Variants in CSMD1 observed in about 807,000 individuals in gnomAD.
CSMD1 encodes CUB and Sushi multiple domains 1.
In CSMD1, 213 loss-of-function variants were observed where a neutral mutation model predicts 417.5. The ratio of observed to expected loss-of-function variants is 0.51; its 90% CI spans 0.46 to 0.57. The LOEUF (loss-of-function observed/expected upper bound fraction) is 0.57. CSMD1 is among the 20% of genes least tolerant of loss of function. CSMD1 has a pLI of 0.00. For synonymous variants in CSMD1, 2,862 were observed against 1,736.8 expected (o/e 1.65, Z -16.11); for missense variants, 6,923 against 4,529.7 (o/e 1.53, Z -15.17).
At chr8:3,350,884 G>C (rs557151464) in intron 21 of CSMD1, among the ~76,000 whole-genome samples, 42 of 152,236 alleles carry the variant, frequency 2.8e-4, no homozygotes, top group African/African-American at 9.6e-4. Context: ...ATAAATGGTA[G>C]TAACTAAGTT....
At chr8:3,961,910 C>A (rs1311402346) in intron 5 of CSMD1, among the ~76,000 whole-genome samples, 1 of 152,144 alleles carries the variant, frequency 6.6e-6, no homozygotes, top group African/African-American at 2.4e-5. Flanking sequence ...AGTCATTGCT[C>A]AAAAACGAAT....
At chr8:4,753,233 T>G (rs892317761) in intron 1 of CSMD1, among the ~76,000 whole-genome samples, 2 of 151,928 alleles carry the variant, frequency 1.3e-5, no homozygotes, top group Non-Finnish European at 2.9e-5. Flanking sequence ...TGCTTTTTTC[T>G]GCTGTTCTGG....
chr8:3,411,107 A>C (rs1812672062), intron 12 of CSMD1, among the ~76,000 whole-genome samples: 1 of 152,166 alleles, frequency 6.6e-6, no homozygotes, highest in African/African-American at 2.4e-5. Flanking sequence ...TGCAGGAAGA[A>C]GGCACTGCAG....
chr8:4,574,832 A>C (rs1285215486), intron 2 of CSMD1, among the ~76,000 whole-genome samples: 1 of 152,200 alleles, frequency 6.6e-6, no homozygotes, highest in African/African-American at 2.4e-5. Flanking sequence ...AACAACAAAA[A>C]TCTTTCATGA....
chr8:3,846,292 T>C (rs1213938284), intron 5 of CSMD1, among the ~76,000 whole-genome samples: 2 of 152,182 alleles, frequency 1.3e-5, no homozygotes, highest in African/African-American at 2.4e-5. Context: ...CAATAGGTGA[T>C]AGGAATATTC....
At chr8:3,221,768 C>A (rs1002507151) in intron 28 of CSMD1, among the ~76,000 whole-genome samples, 1 of 152,108 alleles carries the variant, frequency 6.6e-6, no homozygotes, top group Admixed American at 6.5e-5. Context: ...AATGTGTGAG[C>A]CCCACAATCC....
chr8:3,299,879 T>A (rs975595470), intron 25 of CSMD1, among the ~76,000 whole-genome samples: 1 of 152,190 alleles, frequency 6.6e-6, no homozygotes, highest in Non-Finnish European at 1.5e-5. Context: ...GACGCCCAAT[T>A]TCTATGTACT....
At chr8:4,474,293 A>T (rs9657397) in intron 2 of CSMD1, among the ~76,000 whole-genome samples, 65,503 of 152,026 alleles carry the variant, frequency 0.43, 16,306 homozygotes, top group Non-Finnish European at 0.55. Flanking sequence ...AAGGTGACAG[A>T]TTAACGTTCC....
chr8:4,891,190 G>A (rs1451411958), intron 1 of CSMD1, among the ~76,000 whole-genome samples: 1 of 152,126 alleles, frequency 6.6e-6, no homozygotes, highest in Non-Finnish European at 1.5e-5. Flanking sequence ...ATCTGGAAGT[G>A]AAACATGTGA....
At chr8:4,701,280 C>G (rs1807522701) in intron 1 of CSMD1, among the ~76,000 whole-genome samples, 4 of 151,170 alleles carry the variant, frequency 2.6e-5, no homozygotes, top group Non-Finnish European at 4.4e-5. Flanking sequence ...GATAAGTCAA[C>G]TTCGAAGGCT....
At chr8:4,567,131 C>T (rs560288586) in intron 2 of CSMD1, among the ~76,000 whole-genome samples, 2 of 152,286 alleles carry the variant, frequency 1.3e-5, no homozygotes, top group South Asian at 4.1e-4. Context: ...CACAGCATCA[C>T]AGCCCTACTC....
intron 2 of CSMD1, among the ~76,000 whole-genome samples, chr8:4,555,896 G>A (rs1174302302): frequency 6.6e-6 from 1 of 152,032 alleles, no homozygotes; most frequent in Non-Finnish European, 1.5e-5. Context: ...AAAGTCAAGT[G>A]TATCTTTACT....
chr8:4,151,776 CT>C (rs1796583587), intron 3 of CSMD1, among the ~76,000 whole-genome samples: 1 of 152,188 alleles, frequency 6.6e-6, no homozygotes, highest in South Asian at 2.1e-4. Flanking sequence ...CACATTTCTT[CT>C]GCAAATGCTT....
At chr8:4,302,896 A>T (rs931278148) in intron 3 of CSMD1, among the ~76,000 whole-genome samples, 4 of 152,074 alleles carry the variant, frequency 2.6e-5, no homozygotes, top group Non-Finnish European at 4.4e-5. Flanking sequence ...ATGCTGATTC[A>T]TATTAACTCA....
intron 1 of CSMD1, among the ~76,000 whole-genome samples, chr8:4,757,241 G>A (rs867335328): frequency 4.6e-5 from 7 of 152,144 alleles, no homozygotes; most frequent in African/African-American, 1.7e-4. Context: ...AAAACAACTT[G>A]CAATTGACTA....
At chr8:3,492,745 G>A (rs367666160) in intron 11 of CSMD1, among the ~76,000 whole-genome samples, 200 of 152,274 alleles carry the variant, frequency 1.3e-3, no homozygotes, top group African/African-American at 4.6e-3. Flanking sequence ...GGATCAGTCT[G>A]CAAATATTCA....
chr8:4,317,982 T>G (rs555308439), intron 3 of CSMD1, among the ~76,000 whole-genome samples: 1 of 152,174 alleles, frequency 6.6e-6, no homozygotes, highest in African/African-American at 2.4e-5. Flanking sequence ...ATAATAGTTA[T>G]TGAATAAATA....
rs546840666 is a variant in CSMD1 at position 4,783,449 on chromosome 8, C to CT, written c.86-145892dup. Among the ~76,000 whole-genome samples the CT allele has an allele frequency of 4.2e-4, 64 of 152,290 alleles. No homozygotes were observed. In the Middle Eastern group the frequency reaches 0.01, roughly 24 times the overall value. ...TCAGTGCTTTGGCTTTGGTAATCTG[C>CT]TGCCCTGGTCAGAACAATGTATCCA... is the stretch of plus-strand genomic sequence containing the variant. On this transcript the variant is annotated intron_variant, in intron 1 of 69. Transcript: ENST00000635120.
chr8:4,111,892 T>A (rs1158915569), intron 3 of CSMD1, among the ~76,000 whole-genome samples: 2 of 152,182 alleles, frequency 1.3e-5, no homozygotes, highest in Non-Finnish European at 2.9e-5. Flanking sequence ...GTAAGAAACC[T>A]GCACATCCAG....
Sources: allele counts gnomAD v4.1 joint callset (sites outside exome capture counted in the v4.1 genomes callset), GRCh38; gene constraint gnomAD v4.1.1; transcripts MANE v1.5; gene names NCBI Gene and HGNC (gene_info 2026-07-23, HGNC 2026-07-21).